Variants in SCAPER observed in about 807,000 individuals in gnomAD.
SCAPER encodes S phase cyclin A-associated protein in the endoplasmic reticulum.
In SCAPER, 98 loss-of-function variants were observed where a neutral mutation model predicts 182.2. The observed-to-expected ratio is 0.54, with a 90% CI of 0.46 to 0.64. The LOEUF (loss-of-function observed/expected upper bound fraction) is 0.64, where lower values mean the gene tolerates loss of function less well. SCAPER is among the 30% of genes least tolerant of loss of function. The pLI is 0.00. For missense variants in SCAPER, 1,432 were observed against 1,690.0 expected, an observed-to-expected ratio of 0.85 and a Z score of 2.68; for synonymous variants, 605 against 564.6, an observed-to-expected ratio of 1.07 and a Z score of -1.01.
chr15:76,798,230 T>C (rs1158656485), intron 7 of SCAPER, among the ~76,000 whole-genome samples: 2 of 151,850 alleles, frequency 1.3e-5, no homozygotes, highest in Non-Finnish European at 2.9e-5. Context: ...CATGGTGGCA[T>C]GCGCCTATAA....
At chr15:76,615,792 C>T (rs952656270) in intron 22 of SCAPER, among the ~76,000 whole-genome samples, 6 of 147,062 alleles carry the variant, frequency 4.1e-5, no homozygotes, top group Non-Finnish European at 5.9e-5. Context: ...TGCACTCCAG[C>T]CTGGGTAACA....
chr15:76,560,998 T>C (rs1164772991), intron 23 of SCAPER, among the ~76,000 whole-genome samples: 1 of 152,172 alleles, frequency 6.6e-6, no homozygotes, highest in Non-Finnish European at 1.5e-5. Context: ...AGCATCAGGA[T>C]CCATACACGG....
chr15:76,481,645 A>G (rs2051151821), intron 24 of SCAPER, among the ~76,000 whole-genome samples: 1 of 152,200 alleles, frequency 6.6e-6, no homozygotes, highest in African/African-American at 2.4e-5. Flanking sequence ...TGTTACTAAG[A>G]AGCTCCAGAC....
chr15:76,499,623 G>T (rs1352757155), intron 24 of SCAPER, among the ~76,000 whole-genome samples: 2 of 152,160 alleles, frequency 1.3e-5, no homozygotes, highest in Non-Finnish European at 2.9e-5. Flanking sequence ...GGAGATGATG[G>T]TACAGCAGAC....
intron 17 of SCAPER, among the ~76,000 whole-genome samples, chr15:76,724,594 G>C (rs2060473219): frequency 6.6e-6 from 1 of 152,034 alleles, no homozygotes; most frequent in Non-Finnish European, 1.5e-5. Flanking sequence ...TTTTCACATA[G>C]TCCCATATTT....
chr15:76,873,140 A>G (rs1297042421), intron 2 of SCAPER, among the ~76,000 whole-genome samples: 1 of 151,686 alleles, frequency 6.6e-6, no homozygotes, highest in East Asian at 1.9e-4. Context: ...AGTCCCGGCT[A>G]CTCAAGAGGC....
Position 76,551,644 on chromosome 15 carries a change from T to C in SCAPER, c.2838+22514A>G, listed in dbSNP as rs190833518. ...TAAGTTCTGGCATTCTATTGCACAG[T>C]AGGGTGACCATAGTTAACAATACTC... On this transcript the variant is annotated intron_variant, in intron 23 of 31. Coordinates refer to ENST00000563290, the MANE Select transcript of SCAPER (RefSeq NM_020843.4). Among the ~76,000 whole-genome samples the C allele has an allele frequency of 1.5e-3, 228 of 152,244 alleles. 1 individual carries two copies. Among genetic ancestry groups the C allele is most frequent in the Non-Finnish European group, 2.5e-3 (169 of 68,010 alleles).
At chr15:76,763,879 T>C (rs1411934629) in intron 14 of SCAPER, among the ~76,000 whole-genome samples, 1 of 152,210 alleles carries the variant, frequency 6.6e-6, no homozygotes, top group Non-Finnish European at 1.5e-5. Context: ...TGTTACATTA[T>C]TTATCTGTGT....
rs116166532 is a variant in SCAPER, at chr15:76,800,097, G to C, written c.611+151C>G. On this transcript the variant is annotated intron_variant, in intron 7 of 31. Transcript: ENST00000563290. ...CCCCGGGATTGCTAACCAACACACAGTGTTCCCCTCCTGTGTCAGAACCTG... is the reference window on the plus strand; with the variant it reads ...CCCCGGGATTGCTAACCAACACACACTGTTCCCCTCCTGTGTCAGAACCTG... The C allele has an allele frequency of 4.1e-3, 1,081 of 261,828 alleles. 21 individuals carry two copies. The highest frequency in any genetic ancestry group is 0.021 in the African/African-American group (990 of 46,634). The allele number at this position is 261,828 out of a possible 1,614,324, so 16.2% of individuals were successfully genotyped here.
At position 76,719,946 on chromosome 15, in the gene SCAPER, C is replaced by A. The variant is rs113481570; in HGVS notation, c.2165+8649G>T. 7.9e-3 allele frequency among the ~76,000 whole-genome samples: 1,189 copies of A among 150,810 alleles called. 11 individuals are homozygous for A. The highest frequency in any genetic ancestry group is 0.027 in the African/African-American group (1,128 of 41,110). ...TTCTTTTTTTTTTTAATTATTATTA[C>A]ACTTTAAGTTTTAGGGTACATGTGC... On this transcript the variant is annotated intron_variant, in intron 17 of 31. Transcript: ENST00000563290.
chr15:76,496,814 C>T (rs1228488500), intron 24 of SCAPER, among the ~76,000 whole-genome samples: 1 of 152,068 alleles, frequency 6.6e-6, no homozygotes, highest in Non-Finnish European at 1.5e-5. Flanking sequence ...ACTATGAGGA[C>T]ACAAGGAAGG....
chr15:76,490,702 T>C (rs902840290), intron 24 of SCAPER, among the ~76,000 whole-genome samples: 1 of 152,164 alleles, frequency 6.6e-6, no homozygotes, highest in Non-Finnish European at 1.5e-5. Context: ...TATCCATGAA[T>C]TCACTGTCAA....
At chr15:76,781,689 T>G (rs557389032) in intron 8 of SCAPER, among the ~76,000 whole-genome samples, 14 of 152,190 alleles carry the variant, frequency 9.2e-5, no homozygotes, top group Admixed American at 9.2e-4. Flanking sequence ...ACAGTGGATC[T>G]CTCGACAGAA....
chr15:76,515,211 G>C (rs1033533533), intron 23 of SCAPER, among the ~76,000 whole-genome samples: 1 of 152,166 alleles, frequency 6.6e-6, no homozygotes, highest in African/African-American at 2.4e-5. Context: ...TTTGGAAGAC[G>C]CTCCCTGAGG....
intron 22 of SCAPER, among the ~76,000 whole-genome samples, chr15:76,615,274 C>G (rs996900681): frequency 6.6e-6 from 1 of 151,772 alleles, no homozygotes; most frequent in Non-Finnish European, 1.5e-5. Flanking sequence ...GTAAGACCCC[C>G]TCCCTACAAA....
At chr15:76,476,877 T>A (rs1362044243) in intron 24 of SCAPER, among the ~76,000 whole-genome samples, 1 of 150,420 alleles carries the variant, frequency 6.6e-6, no homozygotes, top group East Asian at 2.0e-4. Context: ...AAAAATTTAC[T>A]TCAATTAATC....
At chr15:76,576,637 A>C (rs1448070253) in intron 22 of SCAPER, among the ~76,000 whole-genome samples, 1 of 152,184 alleles carries the variant, frequency 6.6e-6, no homozygotes, top group Non-Finnish European at 1.5e-5. Flanking sequence ...TCACTGAAAA[A>C]GGCACTGAAG....
intron 20 of SCAPER, among the ~76,000 whole-genome samples, chr15:76,695,238 T>C (rs564519835): frequency 2.0e-5 from 3 of 152,306 alleles, no homozygotes; most frequent in African/African-American, 4.8e-5. Flanking sequence ...ACTTAATTCT[T>C]ACTTCTTCTG....
At chr15:76,889,735 C>T (rs899015831) in intron 1 of SCAPER, among the ~76,000 whole-genome samples, 15 of 152,152 alleles carry the variant, frequency 9.9e-5, no homozygotes, top group Admixed American at 9.8e-4. Flanking sequence ...GACTTTAACA[C>T]CCTACTCTCA....
Sources: allele counts gnomAD v4.1 joint callset (sites outside exome capture counted in the v4.1 genomes callset), GRCh38; gene constraint gnomAD v4.1.1; transcripts MANE v1.5; gene names NCBI Gene and HGNC (gene_info 2026-07-23, HGNC 2026-07-21).